FER: variants seen among roughly 807,000 people sequenced by gnomAD.
The protein encoded by FER is FER tyrosine kinase.
Under a neutral mutation model 111.0 loss-of-function variants are expected in FER, and 63 were observed. The observed-to-expected ratio is 0.57, with a 90% CI of 0.46 to 0.70. FER has a LOEUF of 0.70. Among genes scored for constraint, FER ranks in the 30% least tolerant of loss-of-function variants. The pLI is 0.00. For missense variants in FER, 914 were observed against 954.0 expected, an observed-to-expected ratio of 0.96 and a Z score of 0.55; for synonymous variants, 327 against 313.9, an observed-to-expected ratio of 1.04 and a Z score of -0.44.
chr5:108,954,802 T>C lies in FER; in HGVS notation c.1403T>C (p.Ile468Thr), dbSNP rs765761277. The C allele has an allele frequency of 1.9e-6, 3 of 1,612,508 alleles. No homozygotes were observed. Among genetic ancestry groups the C allele is most frequent in the Admixed American group, 1.7e-5 (1 of 59,908 alleles). Reference protein sequence around the residue: ...QDWYHGAIPRIEAQELLKKQG... With the variant: ...QDWYHGAIPRTEAQELLKKQG... ...TGGTACCATGGTGCAATTCCCAGAA[T>C]AGAAGCTCAAGAACTGTTAAAAAAA... Residue 468 changes from isoleucine to threonine, a missense_variant, in exon 12 of 20, where the codon ATA (isoleucine) becomes ACA (threonine). Ile to Thr is a moderately conservative substitution (Grantham distance 89). Transcript: ENST00000281092.
At chr5:108,999,860 A>G (rs977990474) in intron 13 of FER, among the ~76,000 whole-genome samples, 3 of 152,000 alleles carry the variant, frequency 2.0e-5, no homozygotes, top group East Asian at 1.9e-4. Flanking sequence ...ATTTGCTTCA[A>G]TGTGGGATTA....
intron 2 of FER, among the ~76,000 whole-genome samples, chr5:108,777,122 G>A (rs890127449): frequency 6.6e-6 from 1 of 152,126 alleles, no homozygotes; most frequent in African/African-American, 2.4e-5. Flanking sequence ...GACCAGCCTG[G>A]GATTATTGTT....
intron 13 of FER, among the ~76,000 whole-genome samples, chr5:109,019,593 G>T (rs1458643963): frequency 1.3e-5 from 2 of 151,662 alleles, no homozygotes; most frequent in African/African-American, 4.8e-5. Context: ...CCTATGCCAG[G>T]CCTACTGATT....
chr5:109,109,613 G>A (rs937449539), intron 17 of FER, among the ~76,000 whole-genome samples: 2 of 152,134 alleles, frequency 1.3e-5, no homozygotes, highest in African/African-American at 2.4e-5. Flanking sequence ...TAGCAAAGGA[G>A]TATCTGAAGG....
At chr5:108,953,517 ATTG>A (rs1371579672) in intron 11 of FER, among the ~76,000 whole-genome samples, 1 of 151,986 alleles carries the variant, frequency 6.6e-6, no homozygotes, top group Admixed American at 6.6e-5. Context: ...CAAGTTTTTT[ATTG>A]TTGTTTTGTT....
chr5:108,813,561 G>C (rs1330221964), intron 3 of FER, among the ~76,000 whole-genome samples: 2 of 151,956 alleles, frequency 1.3e-5, no homozygotes, highest in African/African-American at 2.4e-5. Flanking sequence ...TTACTATGCT[G>C]TATTTTTCTT....
intron 13 of FER, among the ~76,000 whole-genome samples, chr5:108,960,444 C>T (rs921673529): frequency 1.3e-5 from 2 of 151,936 alleles, no homozygotes; most frequent in Non-Finnish European, 2.9e-5. Flanking sequence ...GAAATTGGCT[C>T]ATTCTTTGTT....
In FER at chr5:109,188,736, C is replaced by CA. The variant is rs1221244616; in HGVS notation, c.*1166dup. ...GTTCGTAGAGTCCTCGTAATGGCAA[C>CA]AAAAATTTTGAGAGAAACTGCAAAG... is the stretch of plus-strand genomic sequence containing the variant. On this transcript the variant is annotated 3_prime_UTR_variant, in exon 20 of 20. Transcript: ENST00000281092. 6.6e-6 allele frequency: 1 copy of CA among 152,082 alleles called. No individual in the cohort carries two copies. The highest frequency in any genetic ancestry group is 1.5e-5 in the Non-Finnish European group (1 of 68,016). 9.4% of individuals were successfully genotyped at this position (152,082 alleles called of 1,614,324 possible). A position where few individuals can be genotyped will look rare whatever the true frequency, so the allele number is the denominator to read the frequency against.
intron 11 of FER, among the ~76,000 whole-genome samples, chr5:108,950,025 A>C (rs529269530): frequency 1.3e-5 from 2 of 152,264 alleles, no homozygotes; most frequent in Non-Finnish European, 2.9e-5. Context: ...GCAAAAAAGA[A>C]GTCGGAGGAA....
intron 13 of FER, among the ~76,000 whole-genome samples, chr5:109,032,588 A>G (rs73781924): frequency 0.19 from 28,250 of 152,176 alleles, 2,790 homozygotes; most frequent in Non-Finnish European, 0.22. Flanking sequence ...ATTCAGTAGC[A>G]TCAGCCAACT....
In FER at chr5:109,031,222, C is replaced by T. The variant is rs1024703042; in HGVS notation, c.1657-6200C>T. Among the ~76,000 whole-genome samples, 11 of 152,036 alleles carry T rather than the reference C, an allele frequency of 7.2e-5. No individual in the cohort carries two copies. In the East Asian group the frequency reaches 2.1e-3, roughly 29 times the overall value. On this transcript the variant is annotated intron_variant, in intron 13 of 19. Transcript: ENST00000281092. ...GGAGTCAAACTGCCTTCTGTTGTGG[C>T]GGTAGGATGGAAGACATCCTGCCAC...
chr5:108,994,270 T>G (rs1763709959), intron 13 of FER, among the ~76,000 whole-genome samples: 1 of 152,236 alleles, frequency 6.6e-6, no homozygotes, highest in Non-Finnish European at 1.5e-5. Flanking sequence ...TTAATCCATC[T>G]TGAGTTAATT....
At position 109,080,545 on chromosome 5, in the gene FER, C is replaced by A. The variant is rs554184373; in HGVS notation, c.1925-19851C>A. Among the ~76,000 whole-genome samples the A allele has an allele frequency of 1.5e-4, 23 of 152,130 alleles. No homozygotes were observed. In the South Asian group the frequency reaches 4.8e-3, roughly 32 times the overall value. Reference sequence around the variant, plus strand: ...TGTTGAATCAAGGAGTTGATTCTTACAAATTTTAGGTCTGAATAATGGGAG... The same window carrying A: ...TGTTGAATCAAGGAGTTGATTCTTAAAAATTTTAGGTCTGAATAATGGGAG... On this transcript the variant is annotated intron_variant, in intron 16 of 19. Coordinates refer to ENST00000281092, the MANE Select transcript of FER (RefSeq NM_005246.4).
At chr5:108,960,687 G>A (rs552691071) in intron 13 of FER, among the ~76,000 whole-genome samples, 1 of 152,000 alleles carries the variant, frequency 6.6e-6, no homozygotes, top group East Asian at 1.9e-4. Context: ...TCAACAATTT[G>A]CAAATTTATA....
intron 17 of FER, among the ~76,000 whole-genome samples, chr5:109,150,960 G>T (rs960257874): frequency 8.6e-5 from 13 of 152,046 alleles, no homozygotes; most frequent in Non-Finnish European, 1.9e-4. Context: ...TAATACAATT[G>T]TATTGGAAAT....
At chr5:109,169,024 G>A (rs1344738367) in intron 17 of FER, among the ~76,000 whole-genome samples, 1 of 152,132 alleles carries the variant, frequency 6.6e-6, no homozygotes, top group Non-Finnish European at 1.5e-5. Context: ...AGACCAAAAG[G>A]ACACATGTAT....
At chr5:108,787,930 A>G (rs772492994) in intron 2 of FER, among the ~76,000 whole-genome samples, 6 of 152,144 alleles carry the variant, frequency 3.9e-5, no homozygotes, top group Non-Finnish European at 8.8e-5. Flanking sequence ...TTCTTTCTGG[A>G]TGTGGGACAA....
intron 10 of FER, among the ~76,000 whole-genome samples, chr5:108,939,382 A>G (rs1408325924): frequency 1.3e-5 from 2 of 152,102 alleles, no homozygotes; most frequent in African/African-American, 2.4e-5. Context: ...AGGAAAGCCT[A>G]CTATATTAGT....
rs1758332062 is a variant in FER at position 108,955,681 on chromosome 5, A to C, written c.1533+749A>C. On this transcript the variant is annotated intron_variant, in intron 12 of 19. Transcript: ENST00000281092. ...GTTTGTTTTCCATTCCCATCATTTC[A>C]AATGGCCTGCATTTTCAAGATTGCT... Among the ~76,000 whole-genome samples, 3 of 151,944 alleles carry C rather than the reference A, an allele frequency of 2.0e-5. No homozygotes were observed. In the South Asian group the frequency reaches 6.2e-4, roughly 31 times the overall value.
Sources: allele counts gnomAD v4.1 joint callset (sites outside exome capture counted in the v4.1 genomes callset), GRCh38; gene constraint gnomAD v4.1.1; transcripts MANE v1.5; gene names NCBI Gene and HGNC (gene_info 2026-07-23, HGNC 2026-07-21).